BIN2: variants seen among roughly 807,000 people sequenced by gnomAD.
BIN2 encodes bridging integrator 2.
BIN2 carries 43 observed loss-of-function variants against 67.9 expected under a neutral mutation model. The observed-to-expected ratio is 0.63, with a 90% CI of 0.50 to 0.82. BIN2 has a LOEUF of 0.82. Among genes scored for constraint, BIN2 ranks in the 40% least tolerant of loss-of-function variants. The pLI, the probability that BIN2 is intolerant of heterozygous loss-of-function variation, is 0.00. For synonymous variants in BIN2, 244 were observed against 246.8 expected, an observed-to-expected ratio of 0.99 and a Z score of 0.11; for missense variants, 581 against 671.6, an observed-to-expected ratio of 0.87 and a Z score of 1.49.
intron 12 of BIN2, 29 bp from the exon 13 acceptor site, chr12:51,281,557 G>A (rs1162420854): frequency 6.2e-7 from 1 of 1,613,532 alleles, no homozygotes; most frequent in South Asian, 1.1e-5. Context: ...TGTGTTAGGT[G>A]TTGACCTGCC....
Position 51,295,889 on chromosome 12 carries a change from T to C in BIN2, c.679-11A>G, listed in dbSNP as rs752515027. The C allele has an allele frequency of 4.3e-5, 70 of 1,610,748 alleles. No homozygotes were observed. Among genetic ancestry groups the C allele is most frequent in the Non-Finnish European group, 8.5e-6 (10 of 1,177,940 alleles). The stretch of plus-strand genomic sequence containing the variant: ...GAGATTGTGGTTCAGCTAGAGCCAA[T>C]AAGAAAGAAGGGGATGCTAGCCAAC... On this transcript the variant is annotated splice_polypyrimidine_tract_variant and intron_variant, in intron 8 of 12. Transcript: ENST00000615107.
chr12:51,316,328 CAAAA>C (rs3059178), intron 1 of BIN2, among the ~76,000 whole-genome samples: 1 of 123,300 alleles, frequency 8.1e-6, no homozygotes, highest in African/African-American at 3.0e-5. Flanking sequence ...ACTAAAAATA[CAAAA>C]AAAAAAAAAA....
At chr12:51,305,061 G>C (rs559812812) in intron 2 of BIN2, among the ~76,000 whole-genome samples, 23 of 152,064 alleles carry the variant, frequency 1.5e-4, no homozygotes, top group African/African-American at 5.5e-4. Context: ...ATGGGGCCAG[G>C]CACGGTGGCT....
At chr12:51,306,058 G>A (rs979375707) in intron 2 of BIN2, among the ~76,000 whole-genome samples, 5 of 151,726 alleles carry the variant, frequency 3.3e-5, no homozygotes, top group Non-Finnish European at 7.4e-5. Flanking sequence ...GGATGGTCTC[G>A]ATCTCCTGGC....
chr12:51,320,514 A>C (rs1305717101), intron 1 of BIN2, among the ~76,000 whole-genome samples: 1 of 151,736 alleles, frequency 6.6e-6, no homozygotes, highest in Non-Finnish European at 1.5e-5. Flanking sequence ...AAAACTACTA[A>C]TCTCCCATAA....
chr12:51,297,931 C>T (rs538351354), intron 7 of BIN2, among the ~76,000 whole-genome samples: 10 of 152,272 alleles, frequency 6.6e-5, no homozygotes, highest in African/African-American at 2.4e-4. Context: ...AGGAGGTATA[C>T]TTTTAAAGAA....
intron 1 of BIN2, among the ~76,000 whole-genome samples, chr12:51,318,262 C>CTTTT (rs1267935737): frequency 7.6e-6 from 1 of 131,812 alleles, no homozygotes. Context: ...TATCTCCATT[C>CTTTT]TTTTTTTTTT....
chr12:51,321,632 CAGG>C (rs1231629178), intron 1 of BIN2, among the ~76,000 whole-genome samples: 1 of 152,198 alleles, frequency 6.6e-6, no homozygotes, highest in Non-Finnish European at 1.5e-5. Context: ...CTCCCGACCT[CAGG>C]AGATCCACCT....
Position 51,291,811 on chromosome 12 carries a change from T to G in BIN2, c.1295A>C (p.Asn432Thr), listed in dbSNP as rs779748495. 1.9e-6 allele frequency: 3 copies of G among 1,613,812 alleles called. No homozygotes were observed. The African/African-American group carries it at 4.0e-5, about 22-fold the overall frequency. ...ATASPRPSSG[N>T]IPSSPTASGG... is the part of the protein sequence containing the mutation. ...AGAGGCTGTAGGGCTGGAAGGTATG[T>G]TCCCTGAGGAGGGCCTGGGGCTTGC... The change falls in exon 10 of 13, where the codon AAC becomes ACC. Residue 432 changes from asparagine to threonine, a missense_variant. Transcript: ENST00000615107.
intron 9 of BIN2, among the ~76,000 whole-genome samples, chr12:51,293,567 C>G (rs1468104870): frequency 6.6e-6 from 1 of 152,182 alleles, no homozygotes; most frequent in Non-Finnish European, 1.5e-5. Context: ...CTGCCTCGGC[C>G]TCCCAAAGTG....
chr12:51,323,139 C>G (rs1022799294), intron 1 of BIN2: 1 of 152,214 alleles, frequency 6.6e-6, no homozygotes, highest in Non-Finnish European at 1.5e-5. Flanking sequence ...TATCTCAGGT[C>G]CTTCTTGTCT....
chr12:51,300,657 G>A lies in BIN2; in HGVS notation c.409-943C>T, dbSNP rs570333559. ...ATTATACCAGTGAGAAGCAAACTAT[G>A]TCTTTGAACCGTTTCATTCTCTCAG... On this transcript the variant is annotated intron_variant, in intron 5 of 12. Coordinates refer to ENST00000615107, the MANE Select transcript of BIN2 (RefSeq NM_016293.4). 2.1e-4 allele frequency among the ~76,000 whole-genome samples: 32 copies of A among 152,208 alleles called. No individual in the cohort carries two copies. In the East Asian group the frequency reaches 6.0e-3, roughly 28 times the overall value.
chr12:51,317,568 C>T (rs1946165654), intron 1 of BIN2, among the ~76,000 whole-genome samples: 1 of 152,070 alleles, frequency 6.6e-6, no homozygotes, highest in African/African-American at 2.4e-5. Context: ...ACTTGGGAGG[C>T]TGACGCAGGA....
intron 1 of BIN2, among the ~76,000 whole-genome samples, chr12:51,319,973 CCT>C (rs1946226394): frequency 1.3e-5 from 2 of 151,436 alleles, no homozygotes; most frequent in Admixed American, 6.6e-5. Flanking sequence ...TTCCTTCCTT[CCT>C]TTTCTCCCTC....
chr12:51,302,894 G>C, intron 3 of BIN2, 114 bp from the exon 4 acceptor site: 1 of 1,164,904 alleles, frequency 8.6e-7, no homozygotes, highest in Non-Finnish European at 1.3e-6. Flanking sequence ...GAAGGTTTAG[G>C]TTATATAAGT....
chr12:51,317,501 C>T (rs1202576101), intron 1 of BIN2, among the ~76,000 whole-genome samples: 2 of 151,586 alleles, frequency 1.3e-5, no homozygotes, highest in African/African-American at 4.8e-5. Context: ...AACCCCATCT[C>T]TACTAAATAC....
chr12:51,297,974 G>C (rs767637561), intron 7 of BIN2, among the ~76,000 whole-genome samples: 1 of 152,046 alleles, frequency 6.6e-6, no homozygotes, highest in Non-Finnish European at 1.5e-5. Flanking sequence ...GGCCAGGCAC[G>C]GTGGCTCATG....
chr12:51,295,626 A>ATATATT (rs1945544552), intron 9 of BIN2, among the ~76,000 whole-genome samples, 170 bp downstream of exon 9: 1 of 129,318 alleles, frequency 7.7e-6, no homozygotes, highest in Admixed American at 7.9e-5. Flanking sequence ...ATATATATAT[A>ATATATT]TATATTTAGT....
Position 51,299,654 on chromosome 12 carries a change from C to T in BIN2, c.469G>A (p.Glu157Lys). Residue 157 changes from glutamate to lysine, a missense_variant, in exon 6 of 13, where the codon GAG becomes AAG. Coordinates refer to ENST00000615107, the MANE Select transcript of BIN2 (RefSeq NM_016293.4). Reference protein sequence around the residue: ...VDYDSARHHLEAVQNAKKKDE... With the variant: ...VDYDSARHHLKAVQNAKKKDE... ...TTCTTCTTGGCATTCTGCACTGCCT[C>T]CAGGTGGTGTCGGGCACTGTCATAG... The T allele has an allele frequency of 6.2e-7, 1 of 1,614,094 alleles. No individual in the cohort carries two copies. The highest frequency in any genetic ancestry group is 8.5e-7 in the Non-Finnish European group (1 of 1,180,024).
Sources: gnomAD v4.1 joint callset for allele counts (sites outside exome capture counted in the v4.1 genomes callset) on GRCh38, gnomAD v4.1.1 for gene constraint, MANE v1.5 for transcripts, NCBI Gene and HGNC (gene_info 2026-07-23, HGNC 2026-07-21) for gene names.